SHOC1: variants seen among roughly 807,000 people sequenced by gnomAD.
SHOC1 encodes the protein protein shortage in chiasmata 1 ortholog.
Under a neutral mutation model 179.2 loss-of-function variants are expected in SHOC1, and 136 were observed. That is an observed-to-expected ratio of 0.76 (90% confidence interval 0.66 to 0.87). SHOC1 has a LOEUF of 0.87. Among genes scored for constraint, SHOC1 ranks in the 40% least tolerant of loss-of-function variants. The pLI, the probability that SHOC1 is intolerant of heterozygous loss-of-function variation, is 0.00. For missense variants in SHOC1, 1,538 were observed against 1,700.8 expected (o/e 0.90, Z 1.68); for synonymous variants, 489 against 586.6 (o/e 0.83, Z 2.41).
intron 12 of SHOC1, among the ~76,000 whole-genome samples, chr9:111,729,806 C>T (rs918657466): frequency 2.6e-5 from 4 of 151,496 alleles, no homozygotes; most frequent in Non-Finnish European, 4.4e-5. Context: ...GCAGGAGAAT[C>T]GCTTGAACCT....
chr9:111,703,251 A>T (rs889803062), intron 22 of SHOC1, among the ~76,000 whole-genome samples: 3 of 152,190 alleles, frequency 2.0e-5, no homozygotes, highest in African/African-American at 7.2e-5. Flanking sequence ...ACATTTGCTT[A>T]TCAAAACACA....
intron 15 of SHOC1, among the ~76,000 whole-genome samples, chr9:111,720,893 G>C (rs901688699): frequency 1.4e-4 from 21 of 152,146 alleles, no homozygotes. Flanking sequence ...TATCTTTGTT[G>C]ATTCTGGGTT....
At chr9:111,694,197 G>A in intron 25 of SHOC1, 34 bp downstream of exon 25, 1 of 1,541,442 alleles carries the variant, frequency 6.5e-7, no homozygotes, top group South Asian at 1.2e-5. Context: ...TATTTGCTTT[G>A]CAATTATCTA....
chr9:111,724,872 C>T (rs1423547820), intron 13 of SHOC1, among the ~76,000 whole-genome samples: 2 of 152,154 alleles, frequency 1.3e-5, no homozygotes, highest in African/African-American at 4.8e-5. Context: ...AGGTCAGCAA[C>T]AGCATCATAT....
chr9:111,758,579 A>T, intron 6 of SHOC1, 116 bp downstream of exon 6: 138 of 879,808 alleles, frequency 1.6e-4, no homozygotes, highest in Non-Finnish European at 2.2e-4. Context: ...ACAGAGCAAG[A>T]CTCATCTCAA....
rs1218542278 is a variant in SHOC1, at chr9:111,694,364, TA to T, written c.3184-3del. On this transcript the variant is annotated splice_polypyrimidine_tract_variant and splice_region_variant and intron_variant, in intron 24 of 27. Coordinates refer to ENST00000682961, the MANE Select transcript of SHOC1 (RefSeq NM_001378211.1). Reference sequence around the variant, plus strand: ...TTCTACTCCTGGGGCAATTATAAGCTAAAAAATATTTTTTATGTTAGATTAT... The same window carrying T: ...TTCTACTCCTGGGGCAATTATAAGCTAAAAATATTTTTTATGTTAGATTAT... 2 of 1,595,282 alleles carry T rather than the reference TA, an allele frequency of 1.3e-6. No individual in the cohort carries two copies. The highest frequency in any genetic ancestry group is 1.7e-5 in the Admixed American group (1 of 57,990).
chr9:111,765,590 AAAAACAAAAC>A (rs965244863), intron 5 of SHOC1, among the ~76,000 whole-genome samples: 1 of 152,098 alleles, frequency 6.6e-6, no homozygotes, highest in Non-Finnish European at 1.5e-5. Context: ...ACTCTGACTC[AAAAACAAAAC>A]AAAACAAAAC....
chr9:111,749,168 T>C (rs1460827104), intron 8 of SHOC1, among the ~76,000 whole-genome samples: 1 of 152,160 alleles, frequency 6.6e-6, no homozygotes, highest in East Asian at 1.9e-4. Context: ...CTTTGTATTT[T>C]GTTTTTTGAA....
Position 111,691,847 on chromosome 9 carries a change from C to T in SHOC1, c.4130G>A (p.Gly1377Asp), listed in dbSNP as rs1379520645. Reference protein sequence around the residue: ...QENHPFNLQYGAQQTACNKLY... With the variant: ...QENHPFNLQYDAQQTACNKLY... ...TTTGTTACATGCAGTCTGCTGTGCACCATATTGTAAGTTGAACGGGTGATT... is the reference window on the plus strand; with the variant it reads ...TTTGTTACATGCAGTCTGCTGTGCATCATATTGTAAGTTGAACGGGTGATT... The change falls in exon 27 of 28, where the codon GGT becomes GAT. Residue 1377 changes from glycine (G) to aspartate (D), a missense_variant. By Grantham distance (94) the Gly-to-Asp change is moderately conservative. Coordinates refer to ENST00000682961, the MANE Select transcript of SHOC1 (RefSeq NM_001378211.1). 6.2e-7 allele frequency: 1 copy of T among 1,613,660 alleles called. No individual in the cohort carries two copies.
At chr9:111,773,869 TC>T (rs35352274) in intron 5 of SHOC1, among the ~76,000 whole-genome samples, 28,612 of 152,138 alleles carry the variant, frequency 0.19, 2,886 homozygotes, top group Non-Finnish European at 0.22. Flanking sequence ...TATTTACAAA[TC>T]CCCAAATATA....
At position 111,686,812 on chromosome 9, in the gene SHOC1, G is replaced by A. The variant is rs1444956620; in HGVS notation, c.4485C>T (p.Val1495=). ...FKKRRLAYEK[V]PGRVDGQTRL... ...GAGTCTGCCCATCAACTCTACCAGG[G>A]ACTTTTTCATATGCTAGACGTCGTT... Residue 1495 remains valine (V), a synonymous_variant, in exon 28 of 28, where the codon GTC becomes GTT. Coordinates refer to ENST00000682961, the MANE Select transcript of SHOC1 (RefSeq NM_001378211.1). 6.2e-7 allele frequency: 1 copy of A among 1,613,532 alleles called. No individual in the cohort carries two copies. The highest frequency in any genetic ancestry group is 8.5e-7 in the Non-Finnish European group (1 of 1,179,724).
chr9:111,794,399 C>T (rs1157998314), intron 1 of SHOC1, among the ~76,000 whole-genome samples: 1 of 151,592 alleles, frequency 6.6e-6, no homozygotes, highest in African/African-American at 2.4e-5. Context: ...GCCGGGTCAA[C>T]ATGGCAAAAC....
At chr9:111,755,130 C>T (rs1197410725) in intron 8 of SHOC1, among the ~76,000 whole-genome samples, 3 of 152,096 alleles carry the variant, frequency 2.0e-5, no homozygotes, top group African/African-American at 7.2e-5. Context: ...GTACAGCAGC[C>T]GAGTCAAGTG....
intron 8 of SHOC1, among the ~76,000 whole-genome samples, chr9:111,748,846 T>C (rs1454539782): frequency 7.4e-6 from 1 of 135,640 alleles, no homozygotes; most frequent in African/African-American, 2.7e-5. Context: ...CTCCCTCCTT[T>C]GTTTCCAGCT....
rs926607310 is a variant in SHOC1 at position 111,704,132 on chromosome 9, A to T, written c.2856-140T>A. On this transcript the variant is annotated intron_variant, in intron 21 of 27. Transcript: ENST00000682961. ...ACATGTCAATTTGTTCTACTTTATA[A>T]AATTTGAAGAATAAAGTTATGATTT... 1.7e-5 allele frequency: 9 copies of T among 530,596 alleles called. No individual in the cohort carries two copies. In the African/African-American group the frequency reaches 1.7e-4, roughly 10 times the overall value. The allele number at this position is 530,596 out of a possible 1,614,324, so 32.9% of individuals were successfully genotyped here.
intron 2 of SHOC1, among the ~76,000 whole-genome samples, chr9:111,789,032 G>A (rs1360159156): frequency 1.3e-5 from 2 of 152,128 alleles, no homozygotes; most frequent in Non-Finnish European, 2.9e-5. Flanking sequence ...CATCTTTCAA[G>A]GCCCATCTTA....
chr9:111,702,827 C>T (rs1471590337), intron 22 of SHOC1, among the ~76,000 whole-genome samples: 1 of 152,130 alleles, frequency 6.6e-6, no homozygotes, highest in Non-Finnish European at 1.5e-5. Flanking sequence ...ACAGTTTTGC[C>T]AGCCAGGCAC....
At chr9:111,707,995 A>T in intron 18 of SHOC1, 71 bp from the exon 19 acceptor site, 1 of 781,420 alleles carries the variant, frequency 1.3e-6, no homozygotes, top group Non-Finnish European at 2.0e-6. Context: ...CATATATTTC[A>T]CTACCATAAA....
Position 111,727,871 on chromosome 9 carries a change from A to G in SHOC1, c.1596T>C (p.Asn532=). 1.2e-6 allele frequency: 2 copies of G among 1,612,862 alleles called. No homozygotes were observed. Among genetic ancestry groups the G allele is most frequent in the Non-Finnish European group, 8.5e-7 (1 of 1,179,542 alleles). Reference sequence around the variant, plus strand: ...TTATTCTGTTTACTGGTTCTTGGTCATTCTTTGGTTTTTCTTCTTTTGCTG... The same window carrying G: ...TTATTCTGTTTACTGGTTCTTGGTCGTTCTTTGGTTTTTCTTCTTTTGCTG... ...KGAAKEEKPK[N]DQEPVNRIIQ... The change falls in exon 13 of 28, where the codon AAT becomes AAC. Residue 532 remains asparagine, a synonymous_variant. Transcript: ENST00000682961.
Sources: gnomAD v4.1 joint callset for allele counts (sites outside exome capture counted in the v4.1 genomes callset) on GRCh38, gnomAD v4.1.1 for gene constraint, MANE v1.5 for transcripts, NCBI Gene and HGNC (gene_info 2026-07-23, HGNC 2026-07-21) for gene names.